PCDHGB5: variants seen among roughly 807,000 people sequenced by gnomAD.
PCDHGB5 encodes protocadherin gamma subfamily B, 5, also known as protocadherin gamma-B5.
Under a neutral mutation model 62.9 loss-of-function variants are expected in PCDHGB5, and 48 were observed. That is an observed-to-expected ratio of 0.76 (90% CI 0.61 to 0.97). The LOEUF (loss-of-function observed/expected upper bound fraction) is 0.97. PCDHGB5 is among the 50% of genes least tolerant of loss of function. The probability of loss-of-function intolerance (pLI) is 0.00; values close to 1 mark genes in which losing one functional copy is unlikely to be tolerated. For synonymous variants in PCDHGB5, 474 were observed against 511.2 expected (o/e 0.93, Z 0.98); for missense variants, 1,118 against 1,198.6 (o/e 0.93, Z 0.99).
intron 1 of PCDHGB5, among the ~76,000 whole-genome samples, chr5:141,488,938 A>T (rs1195859645): frequency 6.6e-6 from 1 of 152,154 alleles, no homozygotes; most frequent in East Asian, 1.9e-4. Context: ...AGGAAACTCC[A>T]TAATTGGTTG....
rs1365133001 is a variant in PCDHGB5 at position 141,477,683 on chromosome 5, G to A, written c.2398-17124G>A. ...TGACAATGGCATAGTGTCATCCTTA[G>A]TGCCCCTAGACTATGAGGATCGGCG... On this transcript the variant is annotated intron_variant, in intron 1 of 3. Transcript: ENST00000617380. This position sits in a 1 kb window ranked among gnomAD's most constrained non-coding sequence, Gnocchi z 4.9. 1.2e-6 allele frequency: 2 copies of A among 1,614,176 alleles called. No homozygotes were observed. The highest frequency in any genetic ancestry group is 3.3e-5 in the Admixed American group (2 of 60,028).
chr5:141,436,840 C>T (rs1195342311), intron 1 of PCDHGB5, among the ~76,000 whole-genome samples: 1 of 152,220 alleles, frequency 6.6e-6, no homozygotes, highest in Admixed American at 6.5e-5. Flanking sequence ...TGCCTAGGCA[C>T]ATTCTTGATT....
At chr5:141,479,312 A>G (rs1218187495) in intron 1 of PCDHGB5, 5 of 152,526 alleles carry the variant, frequency 3.3e-5, no homozygotes, top group African/African-American at 9.6e-5. Context: ...GAAAACATAA[A>G]GTAGCCAGAC....
At chr5:141,488,866 G>A (rs957501628) in intron 1 of PCDHGB5, among the ~76,000 whole-genome samples, 1 of 152,148 alleles carries the variant, frequency 6.6e-6, no homozygotes, top group African/African-American at 2.4e-5. Flanking sequence ...GAAGTGAGTG[G>A]GGAGGTAGGA....
chr5:141,494,751 G>C (rs2099756509), intron 1 of PCDHGB5, 56 bp from the exon 2 acceptor site: 2 of 1,613,426 alleles, frequency 1.2e-6, no homozygotes, highest in African/African-American at 1.3e-5. Flanking sequence ...AGGGGCTCGG[G>C]TGACATTCTA....
chr5:141,413,461 C>G (rs1294898087), intron 1 of PCDHGB5: 11 of 1,614,082 alleles, frequency 6.8e-6, no homozygotes, highest in Non-Finnish European at 7.6e-6. Flanking sequence ...CAGGATAGAC[C>G]GGGAGGAGCT....
rs748462670 is a variant in PCDHGB5, at chr5:141,478,010, C to T, written c.2398-16797C>T. Reference sequence around the variant, plus strand: ...GCACACTGGTCAAATCAGTACTGCCCGTCCAGTCCAAGACACAGATTCACC... The same window carrying T: ...GCACACTGGTCAAATCAGTACTGCCTGTCCAGTCCAAGACACAGATTCACC... On this transcript the variant is annotated intron_variant, in intron 1 of 3. Coordinates refer to ENST00000617380, the MANE Select transcript of PCDHGB5 (RefSeq NM_018925.3). 9 of 1,614,008 alleles carry T rather than the reference C, an allele frequency of 5.6e-6. No homozygotes were observed. The highest frequency in any genetic ancestry group is 1.7e-5 in the Admixed American group (1 of 59,998).
At chr5:141,494,729 C>A in intron 1 of PCDHGB5, 78 bp from the exon 2 acceptor site, 1 of 1,610,166 alleles carries the variant, frequency 6.2e-7, no homozygotes. Context: ...CCTTCTCTCC[C>A]GGCCCATCCC....
chr5:141,489,084 C>G lies in PCDHGB5; in HGVS notation c.2398-5723C>G. ...CTCCCCCCTGCCCACCCCCGCCACT[C>G]GGTGACTAAGAACTGCTGCAAGCAG... On this transcript the variant is annotated intron_variant, in intron 1 of 3. Transcript: ENST00000617380. This position sits in a 1 kb window ranked among gnomAD's most constrained non-coding sequence, Gnocchi z 4.5. 6.1e-6 allele frequency: 2 copies of G among 329,126 alleles called. No homozygotes were observed. The highest frequency in any genetic ancestry group is 2.5e-5 in the African/African-American group (1 of 40,384). 20.4% of individuals were successfully genotyped at this position (329,126 alleles called of 1,614,324 possible). A position where few individuals can be genotyped will look rare whatever the true frequency, so the allele number is the denominator to read the frequency against.
chr5:141,407,735 T>C (rs2094975330), intron 1 of PCDHGB5, among the ~76,000 whole-genome samples: 1 of 152,246 alleles, frequency 6.6e-6, no homozygotes, highest in Non-Finnish European at 1.5e-5. Context: ...GTTCACTATA[T>C]ATACTCCCTA....
At chr5:141,410,736 A>G (rs553799279) in intron 1 of PCDHGB5, 1 of 1,334,690 alleles carries the variant, frequency 7.5e-7, no homozygotes, top group East Asian at 2.4e-5. Flanking sequence ...ATAGCTTTTT[A>G]CAATATTTTC....
intron 1 of PCDHGB5, chr5:141,413,768 TG>T (rs1158107882): frequency 2.5e-6 from 4 of 1,613,132 alleles, no homozygotes; most frequent in Non-Finnish European, 3.4e-6. Context: ...TACCCGGAGC[TG>T]GTACTGGAGC....
At chr5:141,460,741 A>G (rs1378900827) in intron 1 of PCDHGB5, among the ~76,000 whole-genome samples, 1 of 152,128 alleles carries the variant, frequency 6.6e-6, no homozygotes, top group Non-Finnish European at 1.5e-5. Flanking sequence ...CACATTGTAT[A>G]TATATGTGTA....
chr5:141,433,406 TTA>T (rs2097606059), intron 1 of PCDHGB5, among the ~76,000 whole-genome samples: 1 of 149,982 alleles, frequency 6.7e-6, no homozygotes. Flanking sequence ...TATCTATCTA[TTA>T]CTTTCTTGTA....
intron 1 of PCDHGB5, among the ~76,000 whole-genome samples, chr5:141,430,159 A>G (rs1324343997): frequency 6.6e-6 from 1 of 152,176 alleles, no homozygotes; most frequent in Non-Finnish European, 1.5e-5. Context: ...CAAGGAATCT[A>G]TTTAAAAATA....
chr5:141,410,332 C>T (rs541138780), intron 1 of PCDHGB5: 2 of 1,614,002 alleles, frequency 1.2e-6, no homozygotes, highest in Non-Finnish European at 1.7e-6. Context: ...TGATTCTGGC[C>T]ATTGCCTTGC....
chr5:141,439,124 C>A (rs550781116), intron 1 of PCDHGB5, among the ~76,000 whole-genome samples: 332 of 150,120 alleles, frequency 2.2e-3, no homozygotes, highest in Non-Finnish European at 3.9e-3. Context: ...ACCCGGGAGA[C>A]AGAGGTTGCA....
chr5:141,451,326 G>T (rs189445228), intron 1 of PCDHGB5, among the ~76,000 whole-genome samples: 3 of 152,278 alleles, frequency 2.0e-5, no homozygotes, highest in Admixed American at 2.0e-4. Context: ...GTCACCTAAG[G>T]CTATTGTCTT....
At chr5:141,430,373 A>G (rs1456234962) in intron 1 of PCDHGB5, among the ~76,000 whole-genome samples, 1 of 151,170 alleles carries the variant, frequency 6.6e-6, no homozygotes, top group Non-Finnish European at 1.5e-5. Flanking sequence ...GGGAAAAAAA[A>G]GCTCATTGGG....
Sources: gnomAD v4.1 joint callset for allele counts (sites outside exome capture counted in the v4.1 genomes callset) on GRCh38, gnomAD v4.1.1 for gene constraint, Gnocchi (gnomAD v3.1) non-coding constraint, MANE v1.5 for transcripts, NCBI Gene and HGNC (gene_info 2026-07-23, HGNC 2026-07-21) for gene names.